Variants in HELZ observed in about 807,000 individuals in gnomAD.
The protein encoded by HELZ is ATP-dependent RNA helicase with zinc finger domain.
HELZ carries 23 observed loss-of-function variants against 218.2 expected under a neutral mutation model. The observed-to-expected ratio is 0.11, with a 90% CI of 0.08 to 0.15. The LOEUF (loss-of-function observed/expected upper bound fraction) is 0.15. HELZ is among the 10% of genes least tolerant of loss of function. The pLI, the probability that HELZ is intolerant of heterozygous loss-of-function variation, is 1.00. For missense variants in HELZ, 1,813 were observed against 2,353.7 expected, an observed-to-expected ratio of 0.77 and a Z score of 4.75; for synonymous variants, 814 against 829.4, an observed-to-expected ratio of 0.98 and a Z score of 0.32.
At chr17:67,195,300 T>G in intron 8 of HELZ, 119 bp downstream of exon 8, 1 of 582,326 alleles carries the variant, frequency 1.7e-6, no homozygotes, top group South Asian at 2.9e-5. Flanking sequence ...TAAAATCTTA[T>G]ATTCTCTCCT....
chr17:67,204,524 G>A (rs929012596), intron 5 of HELZ, among the ~76,000 whole-genome samples: 5 of 151,798 alleles, frequency 3.3e-5, no homozygotes, highest in African/African-American at 7.3e-5. Context: ...CTTATTATTG[G>A]CTATATAATG....
At chr17:67,230,617 A>C (rs899621687) in intron 3 of HELZ, among the ~76,000 whole-genome samples, 1 of 149,488 alleles carries the variant, frequency 6.7e-6, no homozygotes, top group African/African-American at 2.5e-5. Context: ...AAAAAAAGCA[A>C]GCAAATTATA....
chr17:67,093,691 T>C (rs1172865863), intron 31 of HELZ, among the ~76,000 whole-genome samples: 2 of 152,212 alleles, frequency 1.3e-5, no homozygotes, highest in Non-Finnish European at 2.9e-5. Context: ...AGGTTCTACC[T>C]GCAAAGTAGA....
chr17:67,135,942 TAATGTCTC>T lies in HELZ; in HGVS notation c.3182+20_3182+27del, dbSNP rs1300175944. The T allele has an allele frequency of 1.3e-6, 2 of 1,538,994 alleles. No individual in the cohort carries two copies. Among genetic ancestry groups the T allele is most frequent in the Non-Finnish European group, 1.8e-6 (2 of 1,119,408 alleles). ...TACAAATCATGTCACATTTCCCCTT[TAATGTCTC>T]AACATTAACACATAATTACCTGCAT... On this transcript the variant is annotated intron_variant, in intron 23 of 32. Coordinates refer to ENST00000358691, the MANE Select transcript of HELZ (RefSeq NM_014877.4).
chr17:67,196,220 T>C (rs374917277), intron 7 of HELZ, among the ~76,000 whole-genome samples: 2 of 152,106 alleles, frequency 1.3e-5, no homozygotes, highest in East Asian at 1.9e-4. Context: ...TACTGCTAGG[T>C]ACCCCACTCA....
In HELZ at chr17:67,136,169, T is replaced by G. The variant is rs1307495248; in HGVS notation, c.2983A>C (p.Thr995Pro). ...GKQFRVLFLS[T>P]VRTRHTCKHK... ...TTACAAGTATGTCTTGTACGTACTG[T>G]GCTAAGAAACAAAACTCTGAATTGC... The change falls in exon 23 of 33, where the codon ACA (threonine) becomes CCA (proline). Residue 995 changes from threonine (T) to proline (P), a missense_variant. Coordinates refer to ENST00000358691, the MANE Select transcript of HELZ (RefSeq NM_014877.4). 6.2e-7 allele frequency: 1 copy of G among 1,610,890 alleles called. No homozygotes were observed. The highest frequency in any genetic ancestry group is 8.5e-7 in the Non-Finnish European group (1 of 1,179,028).
At chr17:67,202,497 C>T (rs2040193513) in intron 6 of HELZ, among the ~76,000 whole-genome samples, 1 of 151,852 alleles carries the variant, frequency 6.6e-6, no homozygotes, top group Admixed American at 6.6e-5. Context: ...AGCAAGACTC[C>T]GTAACTTAAA....
chr17:67,230,196 T>C (rs899570231), intron 3 of HELZ, among the ~76,000 whole-genome samples: 2 of 152,188 alleles, frequency 1.3e-5, no homozygotes, highest in African/African-American at 4.8e-5. Flanking sequence ...CTAGCCTTCT[T>C]AGTTTCAAGA....
chr17:67,147,712 G>C (rs1429320255), intron 20 of HELZ, among the ~76,000 whole-genome samples: 2 of 149,744 alleles, frequency 1.3e-5, no homozygotes, highest in Non-Finnish European at 3.0e-5. Context: ...TCGAACTCCT[G>C]AACTCAAGCA....
At chr17:67,215,853 T>G (rs749807270) in intron 5 of HELZ, 46 bp downstream of exon 5, 8 of 1,290,932 alleles carry the variant, frequency 6.2e-6, no homozygotes, top group Non-Finnish European at 8.9e-6. Context: ...AATCAAACCT[T>G]AAACATTGTT....
rs951848324 is a variant in HELZ at position 67,128,630 on chromosome 17, T to C, written c.3387+21A>G. ...AGTTTTCTCCCTTTAACCTCTTCAA[T>C]TTCATTAACAGAGGCTTTACCTTGG... On this transcript the variant is annotated intron_variant, in intron 24 of 32. Coordinates refer to ENST00000358691, the MANE Select transcript of HELZ (RefSeq NM_014877.4). The C allele has an allele frequency of 5.0e-6, 8 of 1,605,914 alleles. No homozygotes were observed. In the African/African-American group the frequency reaches 8.0e-5, roughly 16 times the overall value.
At chr17:67,101,111 GAAA>G (rs34193245) in intron 31 of HELZ, among the ~76,000 whole-genome samples, 1 of 59,980 alleles carries the variant, frequency 1.7e-5, no homozygotes, top group Admixed American at 2.1e-4. Flanking sequence ...CTCCGTCTCA[GAAA>G]AAAAAAAAAA....
rs35467630 is a variant in HELZ at position 67,078,238 on chromosome 17, G to GA, written c.*13dup. ...GAAATTAAAACATTCTCCCTTGAGG[G>GA]AAAAAAAAAGTGATTATTTAAAATA... On this transcript the variant is annotated 3_prime_UTR_variant, in exon 33 of 33. Transcript: ENST00000358691. 0.31 allele frequency: 480,764 copies of GA among 1,537,660 alleles called. 72,023 individuals are homozygous for GA. Among genetic ancestry groups the GA allele is most frequent in the East Asian group, 0.65 (27,277 of 42,092 alleles).
chr17:67,178,631 G>T (rs1363831957), intron 13 of HELZ, 28 bp downstream of exon 13: 2 of 1,569,442 alleles, frequency 1.3e-6, no homozygotes, highest in South Asian at 1.2e-5. Flanking sequence ...GAGATTTTTT[G>T]TTTTAAAGTG....
At chr17:67,240,940 TCTACAGTGGTCTTTTAAA>T (rs1041090550) in intron 2 of HELZ, among the ~76,000 whole-genome samples, 1 of 152,230 alleles carries the variant, frequency 6.6e-6, no homozygotes, top group African/African-American at 2.4e-5. Context: ...TCCTGTTACA[TCTACAGTGGTCTTTTAAA>T]AAGAGGAATA....
chr17:67,208,446 C>T (rs1469945645), intron 5 of HELZ, among the ~76,000 whole-genome samples: 2 of 152,066 alleles, frequency 1.3e-5, no homozygotes, highest in Admixed American at 6.6e-5. Context: ...TTATGTAAGA[C>T]GTAATAACTG....
intron 30 of HELZ, among the ~76,000 whole-genome samples, 169 bp from the exon 31 acceptor site, chr17:67,107,854 T>C (rs1476245908): frequency 6.6e-6 from 1 of 152,192 alleles, no homozygotes; most frequent in Non-Finnish European, 1.5e-5. Context: ...GATGCTGAGG[T>C]GAAGAAATTA....
intron 3 of HELZ, among the ~76,000 whole-genome samples, chr17:67,232,854 C>T (rs2041073206): frequency 6.6e-6 from 1 of 152,218 alleles, no homozygotes; most frequent in South Asian, 2.1e-4. Flanking sequence ...CCAGCCTGGG[C>T]TTGGCGCAGT....
chr17:67,100,335 A>G (rs149637423), intron 31 of HELZ, among the ~76,000 whole-genome samples: 1,665 of 152,320 alleles, frequency 0.011, 20 homozygotes, highest in South Asian at 0.018. Flanking sequence ...CACATCACTG[A>G]AACATGTATG....
Sources: allele counts gnomAD v4.1 joint callset (sites outside exome capture counted in the v4.1 genomes callset), GRCh38; gene constraint gnomAD v4.1.1; transcripts MANE v1.5; gene names NCBI Gene and HGNC (gene_info 2026-07-23, HGNC 2026-07-21).